CLPB: variants seen among roughly 807,000 people sequenced by gnomAD.
The protein encoded by CLPB is mitochondrial disaggregase.
Under a neutral mutation model 78.4 loss-of-function variants are expected in CLPB, and 40 were observed. That is an observed-to-expected ratio of 0.51 (90% CI 0.40 to 0.66). The LOEUF is 0.66. Ranked by LOEUF, CLPB falls within the 30% of genes least tolerant of loss-of-function variation. CLPB has a pLI of 0.00. For synonymous variants in CLPB, 333 were observed against 348.0 expected, an observed-to-expected ratio of 0.96 and a Z score of 0.48; for missense variants, 780 against 886.9, an observed-to-expected ratio of 0.88 and a Z score of 1.53.
At chr11:72,431,062 G>A (rs902809285) in intron 1 of CLPB, among the ~76,000 whole-genome samples, 2 of 152,212 alleles carry the variant, frequency 1.3e-5, no homozygotes, top group Non-Finnish European at 2.9e-5. Context: ...TGAGCCCAGG[G>A]AAGGGAGACC....
At position 72,321,063 on chromosome 11, in the gene CLPB, A is replaced by G. The variant is rs145023251; in HGVS notation, c.874-3843T>C. Among the ~76,000 whole-genome samples the G allele has an allele frequency of 6.5e-3, 979 of 151,696 alleles. 12 individuals carry two copies. Among genetic ancestry groups the G allele is most frequent in the African/African-American group, 0.023 (941 of 41,014 alleles). ...GAAAGGCTAGCCAGTGGAGTAAACT[A>G]GAGAAGGAAAAATACTTGAGATATA... On this transcript the variant is annotated intron_variant, in intron 6 of 15. Coordinates refer to ENST00000538039, the MANE Select transcript of CLPB (RefSeq NM_001258392.3).
chr11:72,398,912 C>T (rs564907546), intron 3 of CLPB, among the ~76,000 whole-genome samples: 10 of 152,326 alleles, frequency 6.6e-5, no homozygotes, highest in South Asian at 4.1e-4. Context: ...TTACTCAAGT[C>T]CTGGATGTCG....
At chr11:72,300,853 C>T (rs1326321232) in intron 11 of CLPB, among the ~76,000 whole-genome samples, 1 of 152,182 alleles carries the variant, frequency 6.6e-6, no homozygotes, top group Non-Finnish European at 1.5e-5. Flanking sequence ...CTCACGCTCT[C>T]TTGATGGAGC....
intron 7 of CLPB, among the ~76,000 whole-genome samples, chr11:72,314,649 G>C (rs1404382204): frequency 6.6e-6 from 1 of 151,874 alleles, no homozygotes; most frequent in African/African-American, 2.4e-5. Context: ...ATTAAGTCAT[G>C]TTATCTCCCC....
chr11:72,317,298 G>C, intron 6 of CLPB, 78 bp from the exon 7 acceptor site: 1 of 1,079,558 alleles, frequency 9.3e-7, no homozygotes, highest in Non-Finnish European at 1.3e-6. Flanking sequence ...CCAACTCGGG[G>C]AAAACACAGG....
In CLPB at chr11:72,403,040, T is replaced by C. The variant is rs1421324822; in HGVS notation, c.468A>G (p.Glu156=). The C allele has an allele frequency of 1.2e-6, 2 of 1,613,242 alleles. No individual in the cohort carries two copies. Among genetic ancestry groups the C allele is most frequent in the Non-Finnish European group, 1.7e-6 (2 of 1,179,962 alleles). The change falls in exon 3 of 16, where the codon GAA becomes GAG. Residue 156 remains glutamate (E), a synonymous_variant. Transcript: ENST00000538039. ...TGTGCTTTGCATTGACATCTGCACC[T>C]TCTGACAACAGCCTAAAACAAGACA... ...NMQEVSRLLS[E]GADVNAKHRL...
At chr11:72,362,301 T>G (rs1415545399) in intron 4 of CLPB, among the ~76,000 whole-genome samples, 1 of 152,208 alleles carries the variant, frequency 6.6e-6, no homozygotes, top group Non-Finnish European at 1.5e-5. Context: ...ATTTATTACA[T>G]TCTATCGTAA....
At chr11:72,360,324 C>T (rs1046159047) in intron 4 of CLPB, among the ~76,000 whole-genome samples, 4 of 152,190 alleles carry the variant, frequency 2.6e-5, no homozygotes, top group African/African-American at 4.8e-5. Flanking sequence ...GTCAAAAGCA[C>T]CAGACAATTC....
intron 3 of CLPB, among the ~76,000 whole-genome samples, chr11:72,386,968 A>T (rs903156823): frequency 3.9e-5 from 6 of 152,230 alleles, no homozygotes; most frequent in African/African-American, 1.4e-4. Context: ...AAAAAGGCAG[A>T]TACAGATAGG....
At chr11:72,351,091 C>CTA (rs1265209459) in intron 5 of CLPB, among the ~76,000 whole-genome samples, 1 of 152,134 alleles carries the variant, frequency 6.6e-6, no homozygotes, top group African/African-American at 2.4e-5. Context: ...TCACCTGACA[C>CTA]AAGTTCTTCA....
chr11:72,408,191 G>C (rs1855766360), intron 2 of CLPB: 7 of 1,535,332 alleles, frequency 4.6e-6, no homozygotes, highest in Admixed American at 2.0e-5. Flanking sequence ...ATCATTCTTT[G>C]CAGTCTCTTG....
intron 1 of CLPB, among the ~76,000 whole-genome samples, chr11:72,430,987 G>T (rs192051450): frequency 6.2e-4 from 94 of 152,250 alleles, no homozygotes; most frequent in African/African-American, 2.2e-3. Context: ...TCCTTGCCCT[G>T]CCAGCTTCAC....
At position 72,321,560 on chromosome 11, in the gene CLPB, G is replaced by A. The variant is rs908451894; in HGVS notation, c.874-4340C>T. ...GGGCTCGCTTTGCTTAGAGGTGGGT[G>A]GCTGGGCTGAGTGGCTCTGCGGGGG... On this transcript the variant is annotated intron_variant, in intron 6 of 15. Transcript: ENST00000538039. 2.6e-5 allele frequency among the ~76,000 whole-genome samples: 4 copies of A among 152,238 alleles called. No homozygotes were observed. The East Asian group carries it at 7.7e-4, about 29-fold the overall frequency.
At chr11:72,339,490 G>A (rs1461185644) in intron 5 of CLPB, among the ~76,000 whole-genome samples, 1 of 152,190 alleles carries the variant, frequency 6.6e-6, no homozygotes, top group Non-Finnish European at 1.5e-5. Context: ...AATAGAATAT[G>A]AGCAGCCTCA....
chr11:72,411,435 T>C (rs962441610), intron 2 of CLPB, among the ~76,000 whole-genome samples: 2 of 152,176 alleles, frequency 1.3e-5, no homozygotes, highest in East Asian at 1.9e-4. Context: ...CCACAATAAA[T>C]GTCTTTGTGG....
chr11:72,387,283 A>G (rs1388848768), intron 3 of CLPB, among the ~76,000 whole-genome samples: 1 of 152,228 alleles, frequency 6.6e-6, no homozygotes, highest in Non-Finnish European at 1.5e-5. Flanking sequence ...TTGTGGCCTC[A>G]TAATAATTAT....
intron 2 of CLPB, among the ~76,000 whole-genome samples, chr11:72,426,461 C>T (rs1053824606): frequency 6.6e-6 from 1 of 152,074 alleles, no homozygotes; most frequent in Admixed American, 6.6e-5. Flanking sequence ...AGGTAGGAGG[C>T]CAGGCTTCCA....
At chr11:72,412,595 T>G (rs1324313865) in intron 2 of CLPB, among the ~76,000 whole-genome samples, 5 of 152,230 alleles carry the variant, frequency 3.3e-5, no homozygotes, top group Non-Finnish European at 7.3e-5. Flanking sequence ...TCTGTCTGTC[T>G]CTTCCAGGCT....
chr11:72,416,392 C>A (rs1856022331), intron 2 of CLPB, among the ~76,000 whole-genome samples: 1 of 152,036 alleles, frequency 6.6e-6, no homozygotes, highest in South Asian at 2.1e-4. Flanking sequence ...TTTTTCTCCC[C>A]CTCAATGCCT....
Sources: gnomAD v4.1 joint callset for allele counts (sites outside exome capture counted in the v4.1 genomes callset) on GRCh38, gnomAD v4.1.1 for gene constraint, MANE v1.5 for transcripts, NCBI Gene and HGNC (gene_info 2026-07-23, HGNC 2026-07-21) for gene names.